The following PYY variants were observed in gnomAD, a reference collection of about 807,000 sequenced individuals.
PYY encodes peptide YY.
PYY carries 12 observed loss-of-function variants against 10.3 expected under a neutral mutation model. The ratio of observed to expected loss-of-function variants is 1.17; its 90% CI spans 0.75 to 1.89. The LOEUF (loss-of-function observed/expected upper bound fraction) is 1.89. PYY is among the 40% of genes most tolerant of loss of function. The probability of loss-of-function intolerance (pLI) is 0.00; values close to 1 mark genes in which losing one functional copy is unlikely to be tolerated. For missense variants in PYY, 141 were observed against 134.0 expected (o/e 1.05, Z -0.26); for synonymous variants, 66 against 62.0 (o/e 1.06, Z -0.30).
chr17:43,983,162 G>A (rs2048894098), intron 1 of PYY, among the ~76,000 whole-genome samples: 1 of 152,180 alleles, frequency 6.6e-6, no homozygotes, highest in Non-Finnish European at 1.5e-5. Context: ...AACCCAGGAG[G>A]CAGAGGTTGC....
intron 1 of PYY, among the ~76,000 whole-genome samples, chr17:43,976,904 A>G (rs965026972): frequency 2.0e-5 from 3 of 152,168 alleles, no homozygotes; most frequent in African/African-American, 7.2e-5. Context: ...AGTGCCTGGC[A>G]CAGAAGGGGA....
intron 1 of PYY, among the ~76,000 whole-genome samples, chr17:43,997,016 G>A (rs1484336512): frequency 1.3e-5 from 2 of 150,760 alleles, no homozygotes; most frequent in African/African-American, 4.9e-5. Flanking sequence ...TTTTTTTGGG[G>A]TGATGTTGTT....
At position 43,992,465 on chromosome 17, in the gene PYY, C is replaced by A. The variant is rs540590084; in HGVS notation, c.-463+11926G>T. The stretch of plus-strand genomic sequence containing the variant: ...GTGGCTCATGCCTGTAATCCCAGCA[C>A]TTTGGGAGGCCGAGGTGGGCGGATC... On this transcript the variant is annotated intron_variant, in intron 1 of 6. Transcript: ENST00000360085. Among the ~76,000 whole-genome samples the A allele has an allele frequency of 2.0e-5, 3 of 152,104 alleles. No homozygotes were observed. The East Asian group carries it at 5.8e-4, about 30-fold the overall frequency.
intron 2 of PYY, among the ~76,000 whole-genome samples, chr17:43,965,532 G>A (rs1458434049): frequency 6.7e-6 from 1 of 149,720 alleles, no homozygotes; most frequent in African/African-American, 2.5e-5. Context: ...ACTCACACCT[G>A]TAATCTCAGC....
At chr17:43,996,973 GC>G (rs2048996095) in intron 1 of PYY, among the ~76,000 whole-genome samples, 1 of 152,142 alleles carries the variant, frequency 6.6e-6, no homozygotes. Context: ...ACAGGTATGA[GC>G]CACTGCACGT....
intron 1 of PYY, among the ~76,000 whole-genome samples, chr17:43,993,015 T>C (rs1461430716): frequency 1.3e-5 from 2 of 151,976 alleles, no homozygotes; most frequent in African/African-American, 2.4e-5. Flanking sequence ...ATACAGAAAG[T>C]AATATGAAAA....
chr17:43,982,282 A>C (rs1226800850), intron 1 of PYY, among the ~76,000 whole-genome samples: 1 of 152,208 alleles, frequency 6.6e-6, no homozygotes, highest in Non-Finnish European at 1.5e-5. Flanking sequence ...AGGAGAAGCC[A>C]CCTCAGAAGT....
At position 43,984,528 on chromosome 17, in the gene PYY, G is replaced by C. The variant is rs562614474; in HGVS notation, c.-462-17996C>G. ...AGGGACGCACTGTTTCCCCCATTTC[G>C]CAGAGGTGGAAACCGCTTACTTAGA... On this transcript the variant is annotated intron_variant, in intron 1 of 6. Transcript: ENST00000360085. Among the ~76,000 whole-genome samples the C allele has an allele frequency of 2.3e-3, 348 of 152,216 alleles. 1 individual carries two copies. The highest frequency in any genetic ancestry group is 7.8e-3 in the African/African-American group (325 of 41,520).
chr17:43,963,570 A>AAAAGAAAGAAAGAAAGAAAGAAAAGAAAG (rs1555617072), intron 2 of PYY, among the ~76,000 whole-genome samples: 6 of 104,676 alleles, frequency 5.7e-5, no homozygotes, highest in African/African-American at 2.2e-4. Flanking sequence ...GGAAGGAAGG[A>AAAAGAAAGAAAGAAAGAAAGAAAAGAAAG]AAAGAAAGAA....
intron 1 of PYY, among the ~76,000 whole-genome samples, chr17:43,972,353 C>T (rs2048800335): frequency 6.6e-6 from 1 of 151,666 alleles, no homozygotes; most frequent in South Asian, 2.1e-4. Context: ...GCTAGGACTA[C>T]AGCTGTGTGT....
At chr17:44,003,439 G>A (rs2049044373) in intron 1 of PYY, among the ~76,000 whole-genome samples, 1 of 151,174 alleles carries the variant, frequency 6.6e-6, no homozygotes, top group South Asian at 2.1e-4. Flanking sequence ...GGTGGATCAC[G>A]AGGTCAGGAG....
chr17:43,970,523 A>G (rs2143917233), intron 1 of PYY, among the ~76,000 whole-genome samples: 1 of 152,044 alleles, frequency 6.6e-6, no homozygotes, highest in East Asian at 1.9e-4. Flanking sequence ...AAAAAAAGAC[A>G]GTGAGTGTAG....
At chr17:43,984,074 A>G (rs2048900357) in intron 1 of PYY, among the ~76,000 whole-genome samples, 1 of 152,176 alleles carries the variant, frequency 6.6e-6, no homozygotes, top group Admixed American at 6.5e-5. Context: ...GCCCGCGTTT[A>G]TCGGGCCATC....
intron 1 of PYY, among the ~76,000 whole-genome samples, chr17:43,996,473 T>A (rs1184049750): frequency 6.6e-6 from 1 of 152,010 alleles, no homozygotes; most frequent in Non-Finnish European, 1.5e-5. Flanking sequence ...TGGGGTAATT[T>A]TCATTTTTTG....
intron 1 of PYY, among the ~76,000 whole-genome samples, chr17:43,978,336 G>A (rs1292392100): frequency 5.3e-5 from 8 of 151,524 alleles, no homozygotes; most frequent in Non-Finnish European, 4.4e-5. Flanking sequence ...GGGAAGAAAA[G>A]GAAAGGAAGG....
chr17:43,993,791 C>T (rs2048973060), intron 1 of PYY, among the ~76,000 whole-genome samples: 1 of 152,018 alleles, frequency 6.6e-6, no homozygotes, highest in Admixed American at 6.6e-5. Context: ...TTTGTTTATC[C>T]AATTTTCAAC....
chr17:43,953,577 T>C (rs1307823264), intron 1 of PYY, 94 bp from the exon 2 acceptor site: 1 of 1,219,692 alleles, frequency 8.2e-7, no homozygotes, highest in African/African-American at 1.5e-5. Context: ...TCCGACGCTC[T>C]CCCTGGGGCT....
At chr17:43,979,540 A>C (rs2048869341) in intron 1 of PYY, among the ~76,000 whole-genome samples, 1 of 135,690 alleles carries the variant, frequency 7.4e-6, no homozygotes, top group African/African-American at 2.9e-5. Flanking sequence ...AATAAAGATG[A>C]AAAAAAAAAA....
chr17:43,976,902 G>A (rs1031862354), intron 1 of PYY, among the ~76,000 whole-genome samples: 1 of 152,166 alleles, frequency 6.6e-6, no homozygotes, highest in Non-Finnish European at 1.5e-5. Context: ...CCAGTGCCTG[G>A]CACAGAAGGG....
Sources: gnomAD v4.1 joint callset for allele counts (sites outside exome capture counted in the v4.1 genomes callset) on GRCh38, gnomAD v4.1.1 for gene constraint, MANE v1.5 for transcripts, NCBI Gene and HGNC (gene_info 2026-07-23, HGNC 2026-07-21) for gene names.